RPTOR: variants seen among roughly 807,000 people sequenced by gnomAD.
The protein encoded by RPTOR is regulatory associated protein of MTOR complex 1, also known as regulatory-associated protein of mTOR.
A neutral mutation model predicts 169.9 loss-of-function variants in RPTOR; 21 were observed. The ratio of observed to expected loss-of-function variants is 0.12; its 90% CI spans 0.09 to 0.18. The LOEUF (loss-of-function observed/expected upper bound fraction) is 0.18. Ranked by LOEUF, RPTOR falls within the 10% of genes least tolerant of loss-of-function variation. RPTOR has a pLI of 1.00. For missense variants in RPTOR, 1,133 were observed against 1,855.9 expected (o/e 0.61, Z 7.16); for synonymous variants, 732 against 753.2 (o/e 0.97, Z 0.46).
chr17:80,873,937 G>A (rs541913902), intron 13 of RPTOR, among the ~76,000 whole-genome samples: 4 of 152,302 alleles, frequency 2.6e-5, no homozygotes, highest in South Asian at 2.1e-4. Context: ...CAGACATGTG[G>A]ACCCAAGTCA....
At chr17:80,817,537 C>T (rs139538738) in intron 7 of RPTOR, among the ~76,000 whole-genome samples, 17 of 151,428 alleles carry the variant, frequency 1.1e-4, no homozygotes, top group Admixed American at 2.6e-4. Context: ...GTGAGTGAAC[C>T]GGGGAGGGAC....
intron 3 of RPTOR, among the ~76,000 whole-genome samples, chr17:80,696,799 C>T (rs982518995): frequency 2.7e-4 from 41 of 152,298 alleles, no homozygotes; most frequent in Admixed American, 2.2e-3. Flanking sequence ...AAACTCCATG[C>T]GGGGCCCACA....
intron 9 of RPTOR, among the ~76,000 whole-genome samples, chr17:80,833,453 T>A (rs2067529280): frequency 1.3e-5 from 2 of 152,182 alleles, no homozygotes; most frequent in Admixed American, 1.3e-4. Flanking sequence ...TCCAGACACC[T>A]TCCCGGTCCC....
chr17:80,668,881 A>T (rs1285890922), intron 3 of RPTOR, among the ~76,000 whole-genome samples: 1 of 152,262 alleles, frequency 6.6e-6, no homozygotes, highest in Non-Finnish European at 1.5e-5. Context: ...CAACTGTTTT[A>T]AAGGTCAGAT....
intron 1 of RPTOR, among the ~76,000 whole-genome samples, chr17:80,555,475 A>G (rs1041062732): frequency 1.3e-5 from 2 of 152,152 alleles, no homozygotes; most frequent in Admixed American, 1.3e-4. Flanking sequence ...GTCTGGAGGA[A>G]TGTCCACTCT....
intron 7 of RPTOR, among the ~76,000 whole-genome samples, chr17:80,818,860 C>T (rs1247699044): frequency 1.3e-5 from 2 of 152,186 alleles, no homozygotes; most frequent in East Asian, 1.9e-4. Context: ...ATCTGGCCTC[C>T]GTTTATCTTG....
At chr17:80,606,340 T>C (rs1453805469) in intron 1 of RPTOR, among the ~76,000 whole-genome samples, 3 of 150,886 alleles carry the variant, frequency 2.0e-5, no homozygotes, top group East Asian at 3.9e-4. Context: ...AGACAGGGCT[T>C]TCTGAGACTC....
chr17:80,865,223 T>C (rs189703626), intron 13 of RPTOR, among the ~76,000 whole-genome samples: 3 of 152,240 alleles, frequency 2.0e-5, no homozygotes, highest in Admixed American at 2.0e-4. Flanking sequence ...AAGTCATAAA[T>C]ATAGACAACA....
In RPTOR at chr17:80,730,305, C is replaced by T. The variant is rs1349454570; in HGVS notation, c.508-255C>T. ...ATTTTTAGTAGAGACTGGGTTTTACCATGTTGGCCAGGCTGGTCTTGAACT... is the reference window on the plus strand; with the variant it reads ...ATTTTTAGTAGAGACTGGGTTTTACTATGTTGGCCAGGCTGGTCTTGAACT... On this transcript the variant is annotated intron_variant, in intron 4 of 33. Transcript: ENST00000306801. The surrounding 1 kb of genome is among the most constrained non-coding windows in gnomAD (Gnocchi z 4.2). 2.0e-5 allele frequency among the ~76,000 whole-genome samples: 3 copies of T among 152,054 alleles called. No homozygotes were observed. The highest frequency in any genetic ancestry group is 7.2e-5 in the African/African-American group (3 of 41,418).
chr17:80,917,951 G>C (rs964287240), intron 21 of RPTOR, among the ~76,000 whole-genome samples: 2 of 152,182 alleles, frequency 1.3e-5, no homozygotes, highest in African/African-American at 4.8e-5. Flanking sequence ...CACACCCTCT[G>C]CATCCTCAGC....
chr17:80,950,260 G>A (rs775412884), intron 28 of RPTOR, among the ~76,000 whole-genome samples: 5 of 152,306 alleles, frequency 3.3e-5, no homozygotes, highest in East Asian at 1.9e-4. Flanking sequence ...GCGTTACCCC[G>A]CCAGCCCCCC....
At chr17:80,961,675 G>A in intron 31 of RPTOR, 195 bp downstream of exon 31, 1 of 622,312 alleles carries the variant, frequency 1.6e-6, no homozygotes, top group Non-Finnish European at 2.7e-6. Flanking sequence ...CTCCCCTGCT[G>A]GGGGACACCT....
chr17:80,790,561 G>A (rs925460348), intron 6 of RPTOR, among the ~76,000 whole-genome samples: 1 of 152,042 alleles, frequency 6.6e-6, no homozygotes, highest in Non-Finnish European at 1.5e-5. Context: ...CCCCATAGAG[G>A]AGTCACTGCC....
intron 1 of RPTOR, among the ~76,000 whole-genome samples, chr17:80,588,894 C>T (rs928459865): frequency 1.3e-5 from 2 of 152,210 alleles, no homozygotes; most frequent in Admixed American, 1.3e-4. Context: ...TCTTGATAAA[C>T]AGAAATATGT....
At chr17:80,676,375 T>C (rs1024372029) in intron 3 of RPTOR, among the ~76,000 whole-genome samples, 1 of 152,142 alleles carries the variant, frequency 6.6e-6, no homozygotes, top group Non-Finnish European at 1.5e-5. Context: ...AGAAATAGTA[T>C]CAAAAGAAAC....
chr17:80,627,493 G>A (rs749000073), intron 2 of RPTOR, among the ~76,000 whole-genome samples: 2 of 152,116 alleles, frequency 1.3e-5, no homozygotes, highest in African/African-American at 2.4e-5. Context: ...CATTTCTCTG[G>A]CCTCTGGAAA....
Position 80,822,096 on chromosome 17 carries a change from G to T in RPTOR, c.891-105G>T. On this transcript the variant is annotated intron_variant, in intron 7 of 33. Coordinates refer to ENST00000306801, the MANE Select transcript of RPTOR (RefSeq NM_020761.3). ...CTTCTGCTCAGAGCCTTCCTCCCTC[G>T]CTCAGAGCCTTTCGCCGCCCGCGCC... 4.0e-6 allele frequency: 4 copies of T among 989,268 alleles called. No homozygotes were observed. In the South Asian group the frequency reaches 5.2e-5, roughly 13 times the overall value. The allele number at this position is 989,268 out of a possible 1,614,324, so 61.3% of individuals were successfully genotyped here.
chr17:80,582,958 C>T (rs1435852793), intron 1 of RPTOR, among the ~76,000 whole-genome samples: 1 of 148,510 alleles, frequency 6.7e-6, no homozygotes, highest in Non-Finnish European at 1.5e-5. Flanking sequence ...ATCACCCAGG[C>T]TTGACAGAGT....
chr17:80,899,533 T>G (rs2068449351), intron 20 of RPTOR, among the ~76,000 whole-genome samples: 1 of 152,250 alleles, frequency 6.6e-6, no homozygotes, highest in South Asian at 2.1e-4. Context: ...TAGTGCCACC[T>G]CTGCCCCAGT....
Sources: gnomAD v4.1 joint callset for allele counts (sites outside exome capture counted in the v4.1 genomes callset) on GRCh38, gnomAD v4.1.1 for gene constraint, Gnocchi (gnomAD v3.1) non-coding constraint, MANE v1.5 for transcripts, NCBI Gene and HGNC (gene_info 2026-07-23, HGNC 2026-07-21) for gene names.